Variants in MTHFD1L observed in about 807,000 individuals in gnomAD.
MTHFD1L encodes monofunctional C1-tetrahydrofolate synthase, mitochondrial.
Under a neutral mutation model 119.5 loss-of-function variants are expected in MTHFD1L, and 81 were observed. The observed-to-expected ratio is 0.68, with a 90% CI of 0.57 to 0.82. The LOEUF (loss-of-function observed/expected upper bound fraction) is 0.82. Among genes scored for constraint, MTHFD1L ranks in the 40% least tolerant of loss-of-function variants. The pLI, the probability that MTHFD1L is intolerant of heterozygous loss-of-function variation, is 0.00. For synonymous variants in MTHFD1L, 430 were observed against 475.2 expected (o/e 0.90, Z 1.24); for missense variants, 1,125 against 1,253.4 (o/e 0.90, Z 1.55).
At chr6:150,973,576 A>T (rs1776090830) in intron 20 of MTHFD1L, among the ~76,000 whole-genome samples, 1 of 152,170 alleles carries the variant, frequency 6.6e-6, no homozygotes, top group African/African-American at 2.4e-5. Context: ...AGAAGGAAGC[A>T]CTCTATTTTA....
chr6:151,017,596 C>T (rs1323963857), intron 24 of MTHFD1L, among the ~76,000 whole-genome samples: 2 of 152,078 alleles, frequency 1.3e-5, no homozygotes, highest in Admixed American at 6.5e-5. Context: ...CCACCCACCT[C>T]GGCTTCCCAA....
At chr6:151,080,633 G>C (rs1477991586) in intron 26 of MTHFD1L, among the ~76,000 whole-genome samples, 2 of 152,232 alleles carry the variant, frequency 1.3e-5, no homozygotes, top group Non-Finnish European at 2.9e-5. Flanking sequence ...GTATTAGTCT[G>C]CTAGGGCTGC....
chr6:150,871,313 T>A (rs980844913), intron 1 of MTHFD1L, among the ~76,000 whole-genome samples: 1 of 149,776 alleles, frequency 6.7e-6, no homozygotes, highest in Non-Finnish European at 1.5e-5. Flanking sequence ...TTTTTTAAAG[T>A]AAGACAATGA....
intron 1 of MTHFD1L, among the ~76,000 whole-genome samples, chr6:150,869,232 A>G (rs149793249): frequency 0.024 from 3,633 of 152,218 alleles, 129 homozygotes; most frequent in African/African-American, 0.081. Context: ...ATAGGTATAC[A>G]TGCGCCATGG....
Position 150,956,021 on chromosome 6 carries a change from C to T in MTHFD1L, c.1753C>T (p.Arg585Ter), listed in dbSNP as rs543057137. 5.1e-5 allele frequency: 83 copies of T among 1,614,046 alleles called. No individual in the cohort carries two copies. The highest frequency in any genetic ancestry group is 8.9e-5 in the East Asian group (4 of 44,870). Residue 585 changes from arginine to a stop codon, truncating the protein, a stop_gained, in exon 17 of 28, where the codon CGA becomes TGA. Transcript: ENST00000367321. LOFTEE classifies it high-confidence loss of function. ...RVLDTNDRFL[R>*]KITIGQGNTE... is the part of the protein sequence containing the mutation. The stretch of plus-strand genomic sequence containing the variant: ...ATTGGATACAAATGACCGATTTCTA[C>T]GAAAAATAACCATCGGGCAGGGAAA...
intron 26 of MTHFD1L, among the ~76,000 whole-genome samples, chr6:151,056,703 T>G (rs1216292399): frequency 6.6e-6 from 1 of 152,096 alleles, no homozygotes; most frequent in Non-Finnish European, 1.5e-5. Context: ...TGCCATCCCC[T>G]CTGGAAAGCT....
chr6:150,997,298 C>T (rs1280813654), intron 20 of MTHFD1L, among the ~76,000 whole-genome samples: 1 of 152,180 alleles, frequency 6.6e-6, no homozygotes, highest in Non-Finnish European at 1.5e-5. Context: ...TAAAAAACAA[C>T]TTCCCAATAT....
chr6:150,915,981 T>C (rs374766495), intron 8 of MTHFD1L, among the ~76,000 whole-genome samples: 46 of 152,280 alleles, frequency 3.0e-4, no homozygotes, highest in Non-Finnish European at 5.3e-4. Context: ...TAAGTACAGA[T>C]CTCTAGTGGT....
At position 150,924,941 on chromosome 6, in the gene MTHFD1L, G is replaced by C. The variant is rs184660684; in HGVS notation, c.1083-1181G>C. On this transcript the variant is annotated intron_variant, in intron 10 of 27. Coordinates refer to ENST00000367321, the MANE Select transcript of MTHFD1L (RefSeq NM_015440.5). Reference sequence around the variant, plus strand: ...AAAGGAATACTCAGCGGTACTTGAGGGGGGTAACCTGAACTCCTAGTTTCT... The same window carrying C: ...AAAGGAATACTCAGCGGTACTTGAGCGGGGTAACCTGAACTCCTAGTTTCT... Among the ~76,000 whole-genome samples, 72 of 152,300 alleles carry C rather than the reference G, an allele frequency of 4.7e-4. 1 individual carries two copies. The East Asian group carries it at 0.014, about 29-fold the overall frequency.
intron 14 of MTHFD1L, among the ~76,000 whole-genome samples, chr6:150,945,262 T>G (rs1793734212): frequency 6.6e-6 from 1 of 152,270 alleles, no homozygotes; most frequent in African/African-American, 2.4e-5. Flanking sequence ...CTCTTTGCAA[T>G]GTGTATTATT....
intron 24 of MTHFD1L, among the ~76,000 whole-genome samples, chr6:151,015,952 T>C (rs1015952146): frequency 2.6e-5 from 4 of 152,114 alleles, no homozygotes; most frequent in Admixed American, 6.5e-5. Context: ...GTGGGCATGG[T>C]GGCGTGCACC....
intron 16 of MTHFD1L, among the ~76,000 whole-genome samples, chr6:150,953,678 T>C (rs141402743): frequency 8.6e-4 from 131 of 152,290 alleles, no homozygotes; most frequent in African/African-American, 3.1e-3. Flanking sequence ...AAGGCAGAGG[T>C]GGGCTTTGGA....
Position 151,092,652 on chromosome 6 carries a change from A to ATTT in MTHFD1L, c.*31+73_*31+75dup. On this transcript the variant is annotated intron_variant, in intron 27 of 27. Coordinates refer to ENST00000367321, the MANE Select transcript of MTHFD1L (RefSeq NM_015440.5). ...TTCCAGTTCATATCCTTTTTTTGTC[A>ATTT]TTTTTTTTTTCTGATACCACAGAAG... is the stretch of plus-strand genomic sequence containing the variant. 3.4e-6 allele frequency: 3 copies of ATTT among 869,982 alleles called. No homozygotes were observed. The African/African-American group carries it at 5.3e-5, about 15-fold the overall frequency. 53.9% of individuals were successfully genotyped at this position (869,982 alleles called of 1,614,324 possible). A position where few individuals can be genotyped will look rare whatever the true frequency, so the allele number is the denominator to read the frequency against.
At chr6:151,034,886 C>A (rs1262205437) in intron 25 of MTHFD1L, among the ~76,000 whole-genome samples, 1 of 152,168 alleles carries the variant, frequency 6.6e-6, no homozygotes, top group East Asian at 1.9e-4. Context: ...TTTCATCCCT[C>A]CCACTCAGCC....
intron 26 of MTHFD1L, among the ~76,000 whole-genome samples, chr6:151,051,408 CA>C (rs1789008671): frequency 6.6e-6 from 1 of 152,160 alleles, no homozygotes; most frequent in Admixed American, 6.5e-5. Flanking sequence ...GCACACCTTC[CA>C]AATGCTTTGT....
In MTHFD1L at chr6:150,990,141, AGGT is replaced by A. The variant is rs1338780938; in HGVS notation, c.2125+18088_2125+18090del. On this transcript the variant is annotated intron_variant, in intron 20 of 27. Coordinates refer to ENST00000367321, the MANE Select transcript of MTHFD1L (RefSeq NM_015440.5). ...TAAAAATACAAAAATTAGCCAGGTG[AGGT>A]GGTGCGTGCCTGTAGTCCCAGCTAC... 5.3e-5 allele frequency among the ~76,000 whole-genome samples: 8 copies of A among 152,006 alleles called. No individual in the cohort carries two copies. In the East Asian group the frequency reaches 1.6e-3, roughly 30 times the overall value.
intron 20 of MTHFD1L, among the ~76,000 whole-genome samples, chr6:150,988,239 G>T (rs1219859875): frequency 1.3e-5 from 2 of 152,236 alleles, no homozygotes; most frequent in African/African-American, 4.8e-5. Flanking sequence ...AGCTTTTTGA[G>T]AATTTTTAAA....
At chr6:151,011,449 T>C (rs867229494) in intron 21 of MTHFD1L, among the ~76,000 whole-genome samples, 6 of 152,204 alleles carry the variant, frequency 3.9e-5, no homozygotes, top group African/African-American at 1.4e-4. Flanking sequence ...AGAAAATCTC[T>C]GAGGCACAGG....
chr6:151,012,715 G>A (rs987812718), intron 21 of MTHFD1L, among the ~76,000 whole-genome samples: 3 of 152,280 alleles, frequency 2.0e-5, no homozygotes, highest in Admixed American at 2.0e-4. Context: ...CAATAAGGAT[G>A]TGTGTATATA....
Sources: allele counts gnomAD v4.1 joint callset (sites outside exome capture counted in the v4.1 genomes callset), GRCh38; gene constraint gnomAD v4.1.1; transcripts MANE v1.5; gene names NCBI Gene and HGNC (gene_info 2026-07-23, HGNC 2026-07-21).